NSG2: variants seen among roughly 807,000 people sequenced by gnomAD.
NSG2 encodes the protein neuronal vesicle trafficking associated 2.
A neutral mutation model predicts 16.9 loss-of-function variants in NSG2; 4 were observed. That is an observed-to-expected ratio of 0.24 (90% CI 0.12 to 0.54). The LOEUF (loss-of-function observed/expected upper bound fraction) is 0.54. Among genes scored for constraint, NSG2 ranks in the 20% least tolerant of loss-of-function variants. The pLI is 0.95. For missense variants in NSG2, 179 were observed against 221.1 expected, an observed-to-expected ratio of 0.81 and a Z score of 1.21; for synonymous variants, 98 against 88.7, an observed-to-expected ratio of 1.11 and a Z score of -0.59.
intron 3 of NSG2, among the ~76,000 whole-genome samples, chr5:174,066,454 T>C (rs1053921499): frequency 3.9e-5 from 6 of 152,218 alleles, no homozygotes; most frequent in African/African-American, 1.4e-4. Flanking sequence ...TATTGGAAAC[T>C]AGACTTTCAA....
At chr5:174,054,714 C>T (rs1759940813) in intron 2 of NSG2, among the ~76,000 whole-genome samples, 2 of 152,208 alleles carry the variant, frequency 1.3e-5, no homozygotes, top group Non-Finnish European at 2.9e-5. Context: ...ACCCCCATTT[C>T]ACAGACAGTG....
intron 3 of NSG2, 31 bp from the exon 4 acceptor site, chr5:174,104,197 G>A: frequency 6.5e-7 from 1 of 1,534,992 alleles, no homozygotes; most frequent in Non-Finnish European, 9.0e-7. Flanking sequence ...GGCAGACTGA[G>A]GCTGGATGAC....
chr5:174,105,597 T>C (rs1460338170), intron 4 of NSG2, among the ~76,000 whole-genome samples: 1 of 152,172 alleles, frequency 6.6e-6, no homozygotes, highest in Non-Finnish European at 1.5e-5. Context: ...GTCCTTAGAA[T>C]ACACTCCACC....
At chr5:174,063,197 A>G (rs1472610070) in intron 2 of NSG2, among the ~76,000 whole-genome samples, 1 of 152,264 alleles carries the variant, frequency 6.6e-6, no homozygotes, top group African/African-American at 2.4e-5. Flanking sequence ...TCTCTATTTT[A>G]CAGATGAGAC....
At chr5:174,097,995 C>T (rs1172533864) in intron 3 of NSG2, among the ~76,000 whole-genome samples, 6 of 151,998 alleles carry the variant, frequency 3.9e-5, no homozygotes, top group South Asian at 2.1e-4. Flanking sequence ...GCTTGCTGCC[C>T]GAGGCCTTCC....
In NSG2 at chr5:174,107,745, A is replaced by C; in HGVS notation, c.*240A>C. 1 of 680,982 alleles carries C rather than the reference A, an allele frequency of 1.5e-6. No homozygotes were observed. The highest frequency in any genetic ancestry group is 2.7e-6 in the Non-Finnish European group (1 of 371,150). The allele number at this position is 680,982 out of a possible 1,614,324, so 42.2% of individuals were successfully genotyped here. ...CCGAGTCAGGCTCATGTACAAAGGC[A>C]TGTTTCGTGTTGATTGTTCCCATGT... is the stretch of plus-strand genomic sequence containing the variant. On this transcript the variant is annotated 3_prime_UTR_variant, in exon 5 of 5. Transcript: ENST00000303177. This position sits in a 1 kb window ranked among gnomAD's most constrained non-coding sequence, Gnocchi z 4.5.
rs754614355 is a variant in NSG2 at position 174,107,439 on chromosome 5, C to T, written c.450C>T (p.Ile150=). The part of the protein sequence containing the change: ...SVAKQSTARA[I]GPWLSAAAVI... Reference sequence around the variant, plus strand: ...CCAAGCAGAGCACTGCCCGGGCCATCGGGCCGTGGCTGTCAGCAGCCGCTG... The same window carrying T: ...CCAAGCAGAGCACTGCCCGGGCCATTGGGCCGTGGCTGTCAGCAGCCGCTG... Residue 150 remains isoleucine (I), a synonymous_variant, in exon 5 of 5, where the codon ATC becomes ATT. Coordinates refer to ENST00000303177, the MANE Select transcript of NSG2 (RefSeq NM_015980.5). The surrounding 1 kb of genome is among the most constrained non-coding windows in gnomAD (Gnocchi z 4.5). The T allele has an allele frequency of 2.8e-5, 45 of 1,612,402 alleles. No homozygotes were observed. The highest frequency in any genetic ancestry group is 6.7e-5 in the East Asian group (3 of 44,826).
chr5:174,076,673 C>A (rs1760348728), intron 3 of NSG2, among the ~76,000 whole-genome samples: 1 of 151,832 alleles, frequency 6.6e-6, no homozygotes, highest in Non-Finnish European at 1.5e-5. Flanking sequence ...GTGAGTTCAT[C>A]CCCAAGAGGC....
intron 3 of NSG2, among the ~76,000 whole-genome samples, chr5:174,096,727 G>A (rs768542194): frequency 5.3e-5 from 8 of 152,098 alleles, no homozygotes; most frequent in Non-Finnish European, 1.2e-4. Flanking sequence ...TATGGGGGCA[G>A]GGGGAGATAA....
intron 2 of NSG2, among the ~76,000 whole-genome samples, chr5:174,049,046 A>C (rs1759845058): frequency 6.6e-6 from 1 of 152,160 alleles, no homozygotes; most frequent in African/African-American, 2.4e-5. Flanking sequence ...CTGGTAAAAA[A>C]AAACCGCAAG....
intron 3 of NSG2, among the ~76,000 whole-genome samples, chr5:174,080,497 CTCTTTCTTTCTTTCCCTCTT>C (rs1294421785): frequency 8.2e-5 from 12 of 146,028 alleles, no homozygotes; most frequent in Admixed American, 2.1e-4. Context: ...CTTTCTTTCC[CTCTTTCTTTCTTTCCCTCTT>C]TCTTTCTTTC....
At chr5:174,099,915 T>TC (rs1365400554) in intron 3 of NSG2, among the ~76,000 whole-genome samples, 11 of 152,120 alleles carry the variant, frequency 7.2e-5, no homozygotes, top group Admixed American at 4.6e-4. Context: ...CACCCATCAG[T>TC]CCATCTCTTC....
At chr5:174,083,950 G>A (rs1025090553) in intron 3 of NSG2, 1 of 152,188 alleles carries the variant, frequency 6.6e-6, no homozygotes, top group Non-Finnish European at 1.5e-5. Flanking sequence ...GGGGCCATTT[G>A]TGTGTCTTCT....
Position 174,064,295 on chromosome 5 carries a change from C to G in NSG2, c.193C>G (p.Pro65Ala). Residue 65 changes from proline to alanine, a missense_variant, in exon 3 of 5, where the codon CCG (proline) becomes GCG (alanine). Coordinates refer to ENST00000303177, the MANE Select transcript of NSG2 (RefSeq NM_015980.5). ...GAAGAACAAAGGGAAGTTCCGGGTG[C>G]CGAAAATCGCTGAATTTACGGTCAG... ...EQKNKGKFRV[P>A]KIAEFTVTIL... 6.2e-7 allele frequency: 1 copy of G among 1,610,986 alleles called. No individual in the cohort carries two copies. Among genetic ancestry groups the G allele is most frequent in the Non-Finnish European group, 8.5e-7 (1 of 1,178,008 alleles).
In NSG2 at chr5:174,108,363, A is replaced by G. The variant is rs1426887426; in HGVS notation, c.*858A>G. 6.4e-6 allele frequency: 1 copy of G among 155,672 alleles called. No homozygotes were observed. The highest frequency in any genetic ancestry group is 1.4e-5 in the Non-Finnish European group (1 of 70,140). 9.6% of individuals were successfully genotyped at this position (155,672 alleles called of 1,614,324 possible). On this transcript the variant is annotated 3_prime_UTR_variant, in exon 5 of 5. Coordinates refer to ENST00000303177, the MANE Select transcript of NSG2 (RefSeq NM_015980.5). ...GAAGGAAGGTGCGGCTGCAAGAAGG[A>G]AGGCACGGGACAGGCATGTGACACT...
intron 3 of NSG2, among the ~76,000 whole-genome samples, chr5:174,070,548 A>G (rs1760221089): frequency 6.6e-6 from 1 of 151,966 alleles, no homozygotes; most frequent in African/African-American, 2.4e-5. Flanking sequence ...CGTTATTAAT[A>G]TTGGTTCTGG....
chr5:174,052,686 A>G (rs530181744), intron 2 of NSG2, among the ~76,000 whole-genome samples: 1 of 152,318 alleles, frequency 6.6e-6, no homozygotes, highest in African/African-American at 2.4e-5. Flanking sequence ...GTGTCCCCAC[A>G]AGCCCTGTGA....
chr5:174,049,445 GCACA>G lies in NSG2; in HGVS notation c.129+2576_129+2579del, dbSNP rs200024973. On this transcript the variant is annotated intron_variant, in intron 2 of 4. Coordinates refer to ENST00000303177, the MANE Select transcript of NSG2 (RefSeq NM_015980.5). Reference sequence around the variant, plus strand: ...CTAAGCTATATGTGCACGCGCACGTGCACACACACACACACACAATCACTCACAC... The same window carrying G: ...CTAAGCTATATGTGCACGCGCACGTGCACACACACACACAATCACTCACAC... Among the ~76,000 whole-genome samples, 119 of 150,406 alleles carry G rather than the reference GCACA, an allele frequency of 7.9e-4. 3 individuals carry two copies. In the East Asian group the frequency reaches 0.018, roughly 23 times the overall value.
At chr5:174,058,960 T>A (rs1435027939) in intron 2 of NSG2, among the ~76,000 whole-genome samples, 1 of 151,942 alleles carries the variant, frequency 6.6e-6, no homozygotes, top group Non-Finnish European at 1.5e-5. Flanking sequence ...GTTTGAGGAG[T>A]GAGGACCTGA....
Sources: allele counts gnomAD v4.1 joint callset (sites outside exome capture counted in the v4.1 genomes callset), GRCh38; gene constraint gnomAD v4.1.1; non-coding constraint Gnocchi (gnomAD v3.1); transcripts MANE v1.5; gene names NCBI Gene and HGNC (gene_info 2026-07-23, HGNC 2026-07-21).